Variants in CENPW observed in about 807,000 individuals in gnomAD.
CENPW encodes cancer-up-regulated gene 2 protein.
In CENPW, 3 loss-of-function variants were observed where a neutral mutation model predicts 11.1. The observed-to-expected ratio is 0.27, with a 90% CI of 0.12 to 0.70. CENPW has a LOEUF of 0.70. Among genes scored for constraint, CENPW ranks in the 30% least tolerant of loss-of-function variants. The pLI is 0.77. For synonymous variants in CENPW, 38 were observed against 42.0 expected (o/e 0.91, Z 0.37); for missense variants, 100 against 105.6 (o/e 0.95, Z 0.23).
At chr6:126,356,519 T>C in the CENPW span, among the ~76,000 whole-genome samples, 2 of 152,164 alleles carry the variant, frequency 1.3e-5, no homozygotes, top group African/African-American at 4.8e-5. Flanking sequence ...TAATTATGTT[T>C]TGTTAACAGT....
the CENPW span, among the ~76,000 whole-genome samples, chr6:126,481,783 A>C: frequency 6.6e-6 from 1 of 152,124 alleles, no homozygotes; most frequent in Admixed American, 6.6e-5. Context: ...TTAAACACCC[A>C]CCAGAATCAT....
the CENPW span, among the ~76,000 whole-genome samples, chr6:126,407,189 G>A: frequency 1.3e-5 from 2 of 152,228 alleles, no homozygotes; most frequent in Admixed American, 1.3e-4. Context: ...ATGGTGTATA[G>A]TTTTCTGTTC....
At chr6:126,403,140 A>G in the CENPW span, among the ~76,000 whole-genome samples, 1 of 152,092 alleles carries the variant, frequency 6.6e-6, no homozygotes, top group African/African-American at 2.4e-5. Flanking sequence ...TGCTACATCA[A>G]TCAACTAAGT....
chr6:126,350,807 TTGTAA>T (rs1007249386), downstream of CENPW, among the ~76,000 whole-genome samples: 6 of 152,110 alleles, frequency 3.9e-5, no homozygotes, highest in African/African-American at 1.4e-4. Flanking sequence ...TAAATCTTAT[TTGTAA>T]TGTAAGTATA....
chr6:126,360,596 A>G, the CENPW span, among the ~76,000 whole-genome samples: 1 of 151,728 alleles, frequency 6.6e-6, no homozygotes, highest in East Asian at 1.9e-4. Flanking sequence ...ATAATCCCAT[A>G]TTTCTCAGAG....
At chr6:126,467,644 A>C in the CENPW span, among the ~76,000 whole-genome samples, 1 of 152,132 alleles carries the variant, frequency 6.6e-6, no homozygotes, top group Admixed American at 6.6e-5. Context: ...ATAAATAAAT[A>C]AATAAATAAA....
the CENPW span, among the ~76,000 whole-genome samples, chr6:126,376,347 A>G: frequency 6.6e-6 from 1 of 152,186 alleles, no homozygotes; most frequent in Non-Finnish European, 1.5e-5. Context: ...CAGGCAGCCC[A>G]TCATCCTGCT....
chr6:126,361,444 G>A, the CENPW span, among the ~76,000 whole-genome samples: 3 of 151,984 alleles, frequency 2.0e-5, no homozygotes, highest in African/African-American at 7.3e-5. Flanking sequence ...TACAGGCGCC[G>A]GCTACCACGC....
chr6:126,388,561 G>A, the CENPW span, among the ~76,000 whole-genome samples: 2 of 151,936 alleles, frequency 1.3e-5, no homozygotes, highest in Non-Finnish European at 2.9e-5. Flanking sequence ...AGGACCTACT[G>A]TTCATGTTTG....
chr6:126,374,898 T>G, the CENPW span, among the ~76,000 whole-genome samples: 2 of 152,244 alleles, frequency 1.3e-5, no homozygotes, highest in Non-Finnish European at 2.9e-5. Context: ...CCTATGCTCA[T>G]CTTACATACA....
chr6:126,430,876 C>T, the CENPW span, among the ~76,000 whole-genome samples: 16 of 151,674 alleles, frequency 1.1e-4, no homozygotes, highest in African/African-American at 2.9e-4. Flanking sequence ...GCCGAGATGG[C>T]GCCACTGCAC....
At chr6:126,423,851 A>G in the CENPW span, among the ~76,000 whole-genome samples, 2 of 54,390 alleles carry the variant, frequency 3.7e-5, no homozygotes, top group East Asian at 4.5e-3. Flanking sequence ...TTTTTAAATT[A>G]TTATTATACT....
chr6:126,415,541 G>A, the CENPW span, among the ~76,000 whole-genome samples: 3 of 152,084 alleles, frequency 2.0e-5, no homozygotes, highest in Non-Finnish European at 2.9e-5. Context: ...TAAGTGCCTA[G>A]AATTCAAACA....
At chr6:126,340,907 G>T (rs1283448652) in intron 1 of CENPW, among the ~76,000 whole-genome samples, 3 of 151,862 alleles carry the variant, frequency 2.0e-5, no homozygotes, top group Non-Finnish European at 4.4e-5. Flanking sequence ...CTCTATTTAC[G>T]CATTTAACCA....
the CENPW span, among the ~76,000 whole-genome samples, chr6:126,468,238 T>C: frequency 6.6e-6 from 1 of 151,768 alleles, no homozygotes; most frequent in Admixed American, 6.6e-5. Context: ...CTGACCAACA[T>C]GGAGAAACCC....
the CENPW span, among the ~76,000 whole-genome samples, chr6:126,408,806 G>C: frequency 3.3e-5 from 5 of 151,882 alleles, no homozygotes; most frequent in African/African-American, 4.8e-5. Flanking sequence ...TTGTATTTCT[G>C]TGGTATCAAT....
At chr6:126,371,173 CAG>C in the CENPW span, among the ~76,000 whole-genome samples, 4 of 152,148 alleles carry the variant, frequency 2.6e-5, no homozygotes, top group African/African-American at 9.7e-5. Context: ...TTCCACTTCT[CAG>C]GGGACATGCT....
At chr6:126,353,158 A>G (rs923356742), downstream of CENPW, among the ~76,000 whole-genome samples, 3 of 151,750 alleles carry the variant, frequency 2.0e-5, no homozygotes, top group Admixed American at 6.6e-5. Flanking sequence ...GTGAATATTT[A>G]TATTATCACA....
chr6:126,348,707 A>G lies in CENPW; in HGVS notation c.*215A>G. On this transcript the variant is annotated 3_prime_UTR_variant, in exon 3 of 3. Coordinates refer to ENST00000368328, the MANE Select transcript of CENPW (RefSeq NM_001012507.4). ...GGAATTACTATTATTTTTATTTTAA[A>G]TGTCCTCTAGTTCAGTTTGCTTTTG... 2.8e-6 allele frequency: 1 copy of G among 351,766 alleles called. No individual in the cohort carries two copies. Among genetic ancestry groups the G allele is most frequent in the Non-Finnish European group, 5.1e-6 (1 of 194,812 alleles). 21.8% of individuals were successfully genotyped at this position (351,766 alleles called of 1,614,324 possible). A position where few individuals can be genotyped will look rare whatever the true frequency, so the allele number is the denominator to read the frequency against.
Sources: gnomAD v4.1 joint callset for allele counts (sites outside exome capture counted in the v4.1 genomes callset) on GRCh38, gnomAD v4.1.1 for gene constraint, MANE v1.5 for transcripts, NCBI Gene and HGNC (gene_info 2026-07-23, HGNC 2026-07-21) for gene names.